Variants in PPFIA4 observed in about 807,000 individuals in gnomAD.
PPFIA4 encodes PPFI scaffold protein A4.
A neutral mutation model predicts 145.7 loss-of-function variants in PPFIA4; 98 were observed. The ratio of observed to expected loss-of-function variants is 0.67; its 90% CI spans 0.57 to 0.80. PPFIA4 has a LOEUF of 0.80. PPFIA4 is among the 30% of genes least tolerant of loss of function. PPFIA4 has a pLI of 0.00. For missense variants in PPFIA4, 1,457 were observed against 1,632.7 expected (o/e 0.89, Z 1.85); for synonymous variants, 628 against 649.6 (o/e 0.97, Z 0.51).
chr1:203,067,117 G>A (rs554405827), intron 25 of PPFIA4, among the ~76,000 whole-genome samples: 17 of 152,300 alleles, frequency 1.1e-4, no homozygotes, highest in African/African-American at 3.9e-4. Flanking sequence ...AGCCAACTGG[G>A]GGAGGAGTGT....
At chr1:203,033,412 C>T (rs1658987980) in intron 1 of PPFIA4, among the ~76,000 whole-genome samples, 1 of 152,180 alleles carries the variant, frequency 6.6e-6, no homozygotes, top group African/African-American at 2.4e-5. Context: ...TCAGTGGGCC[C>T]AGCCTTGAGG....
intron 1 of PPFIA4, among the ~76,000 whole-genome samples, chr1:203,033,031 C>T (rs1296610708): frequency 6.6e-6 from 1 of 152,222 alleles, no homozygotes; most frequent in Non-Finnish European, 1.5e-5. Flanking sequence ...CAGATGCTTC[C>T]TTCCGTGTCC....
chr1:203,056,987 A>C (rs1241306863), intron 19 of PPFIA4, 37 bp downstream of exon 19: 11 of 1,608,806 alleles, frequency 6.8e-6, no homozygotes, highest in Non-Finnish European at 8.5e-6. Context: ...CTGGGCGGGC[A>C]TTGGGGCATC....
intron 1 of PPFIA4, among the ~76,000 whole-genome samples, chr1:203,037,640 T>C (rs1459845195): frequency 6.6e-6 from 1 of 152,244 alleles, no homozygotes; most frequent in African/African-American, 2.4e-5. Context: ...CGGCTTCCTT[T>C]GCTCTGACCA....
chr1:203,057,072 GGTT>G, intron 19 of PPFIA4, 122 bp downstream of exon 19: 1 of 1,526,156 alleles, frequency 6.6e-7, no homozygotes, highest in Non-Finnish European at 8.8e-7. Flanking sequence ...GCCCCAGGCA[GGTT>G]ACCTCAGATC....
chr1:203,067,455 A>G (rs991297237), intron 25 of PPFIA4: 7 of 460,960 alleles, frequency 1.5e-5, no homozygotes, highest in Non-Finnish European at 2.3e-5. Flanking sequence ...TTTCCCATCA[A>G]TCCATCCCCA....
At chr1:203,029,782 C>G (rs1658685665) in intron 1 of PPFIA4, among the ~76,000 whole-genome samples, 1 of 152,146 alleles carries the variant, frequency 6.6e-6, no homozygotes, top group South Asian at 2.1e-4. Flanking sequence ...TTCCCAGTCT[C>G]TCATAAAGCA....
chr1:203,064,554 G>A (rs563530116), intron 25 of PPFIA4, among the ~76,000 whole-genome samples: 7 of 152,300 alleles, frequency 4.6e-5, no homozygotes, highest in East Asian at 1.9e-4. Context: ...TGTCTGCGGC[G>A]CAGGTCCCAA....
intron 15 of PPFIA4, 25 bp downstream of exon 15, chr1:203,053,986 G>C: frequency 6.4e-7 from 1 of 1,552,192 alleles, no homozygotes; most frequent in South Asian, 1.2e-5. Context: ...GGAGGGCTTG[G>C]GAAGTGCATT....
chr1:203,031,972 C>A (rs767150025), intron 1 of PPFIA4, among the ~76,000 whole-genome samples: 5 of 151,426 alleles, frequency 3.3e-5, no homozygotes, highest in Non-Finnish European at 5.9e-5. Flanking sequence ...ATGGTTGGCT[C>A]CTGGTGTTAC....
At chr1:203,035,579 G>A (rs576791539) in intron 1 of PPFIA4, 15 of 456,700 alleles carry the variant, frequency 3.3e-5, no homozygotes, top group Non-Finnish European at 6.6e-5. Context: ...CTCCTCCCCG[G>A]CAAAGCCCCT....
At chr1:203,026,991 G>T (rs1658442362) in intron 1 of PPFIA4, among the ~76,000 whole-genome samples, 1 of 152,172 alleles carries the variant, frequency 6.6e-6, no homozygotes, top group Non-Finnish European at 1.5e-5. Flanking sequence ...AGCGCCTCTC[G>T]GCTCCGGGGC....
At position 203,039,198 on chromosome 1, in the gene PPFIA4, G is replaced by C; in HGVS notation, c.190G>C (p.Glu64Gln). Reference protein sequence around the residue: ...TQSRLQDAIHERDQLQRHLNS... With the variant: ...TQSRLQDAIHQRDQLQRHLNS... ...GAGCCGGCTCCAGGATGCCATACAC[G>C]AGCGGGACCAGCTCCAGCGCCACCT... Residue 64 changes from glutamate to glutamine, a missense_variant, in exon 2 of 30, where the codon GAG (glutamate) becomes CAG (glutamine). Physicochemically the swap from Glu to Gln is conservative, Grantham distance 29. Coordinates refer to ENST00000295706, the MANE Select transcript of PPFIA4 (RefSeq NM_001304331.2). 1 of 1,605,892 alleles carries C rather than the reference G, an allele frequency of 6.2e-7. No homozygotes were observed. The highest frequency in any genetic ancestry group is 8.5e-7 in the Non-Finnish European group (1 of 1,177,008).
At chr1:203,063,507 T>G (rs1010047136) in intron 24 of PPFIA4, 1 of 290,176 alleles carries the variant, frequency 3.4e-6, no homozygotes, top group South Asian at 3.3e-5. Context: ...TGCTGCACAA[T>G]ACCGCAAATG....
At chr1:203,071,434 G>GGGC (rs1230285963) in intron 27 of PPFIA4, among the ~76,000 whole-genome samples, 1 of 148,336 alleles carries the variant, frequency 6.7e-6, no homozygotes, top group African/African-American at 2.5e-5. Context: ...GCCTCCCAAA[G>GGGC]TGCCCGGCCA....
rs765361613 is a variant in PPFIA4 at position 203,055,479 on chromosome 1, T to G, written c.1877T>G (p.Ile626Ser). The change falls in exon 16 of 30, where the codon ATT (isoleucine) becomes AGT (serine). Residue 626 changes from isoleucine (I) to serine (S), a missense_variant. By Grantham distance (142) the Ile-to-Ser change is moderately radical (BLOSUM62 -2). Coordinates refer to ENST00000295706, the MANE Select transcript of PPFIA4 (RefSeq NM_001304331.2). This position sits in a 1 kb window ranked among gnomAD's most constrained non-coding sequence, Gnocchi z 4.8. Reference sequence around the variant, plus strand: ...TCCACGGAGCTCCGCGCGGAGGAGATTGAGACGCGTGTAACCAGTGGCAGC... The same window carrying G: ...TCCACGGAGCTCCGCGCGGAGGAGAGTGAGACGCGTGTAACCAGTGGCAGC... ...KESTELRAEE[I>S]ETRVTSGSME... The G allele has an allele frequency of 3.7e-6, 6 of 1,613,834 alleles. No individual in the cohort carries two copies. The Admixed American group carries it at 1.0e-4, about 27-fold the overall frequency.
In PPFIA4 at chr1:203,076,322, GTCTC is replaced by G. The variant is rs752262643; in HGVS notation, c.3575-10_3575-7del. On this transcript the variant is annotated splice_polypyrimidine_tract_variant and intron_variant, in intron 29 of 29. Coordinates refer to ENST00000295706, the MANE Select transcript of PPFIA4 (RefSeq NM_001304331.2). Reference sequence around the variant, plus strand: ...CAACCTGCCTCACAGTGCGATGCCTGTCTCTCTCTCTCCCTCAGCTCACTCCCAC... The same window carrying G: ...CAACCTGCCTCACAGTGCGATGCCTGTCTCTCTCCCTCAGCTCACTCCCAC... 3.8e-6 allele frequency: 6 copies of G among 1,594,534 alleles called. No individual in the cohort carries two copies. The highest frequency in any genetic ancestry group is 2.7e-5 in the African/African-American group (2 of 74,758).
At chr1:203,063,279 C>T (rs1571726060) in intron 24 of PPFIA4, 1 of 156,498 alleles carries the variant, frequency 6.4e-6, no homozygotes, top group South Asian at 1.9e-4. Flanking sequence ...GAGGCTCAGG[C>T]CTTAGAGAAT....
Position 203,032,430 on chromosome 1 carries a change from T to TTGTTGTTGTTG in PPFIA4, c.-400+5802_-400+5803insGTTGTTGTTGT, listed in dbSNP as rs1571653652. On this transcript the variant is annotated intron_variant, in intron 1 of 29. Coordinates refer to ENST00000295706, the MANE Select transcript of PPFIA4 (RefSeq NM_001304331.2). ...CTTGTAGTTCTCCCTTCCCCGCTTT[T>TTGTTGTTGTTG]TTGTTGTTGTTGTTGTTTTTGAAAT... 1.0e-3 allele frequency among the ~76,000 whole-genome samples: 143 copies of TTGTTGTTGTTG among 139,448 alleles called. 3 individuals are homozygous for TTGTTGTTGTTG. The East Asian group carries it at 0.012, about 12-fold the overall frequency. 91.5% of individuals were successfully genotyped at this position (139,448 alleles called of 152,430 possible). A position where few individuals can be genotyped will look rare whatever the true frequency, so the allele number is the denominator to read the frequency against.
Sources: allele counts gnomAD v4.1 joint callset (sites outside exome capture counted in the v4.1 genomes callset), GRCh38; gene constraint gnomAD v4.1.1; non-coding constraint Gnocchi (gnomAD v3.1); transcripts MANE v1.5; gene names NCBI Gene and HGNC (gene_info 2026-07-23, HGNC 2026-07-21).